Variants in ACVR1C observed in about 807,000 individuals in gnomAD.
The protein encoded by ACVR1C is activin receptor type-1C.
In ACVR1C, 23 loss-of-function variants were observed where a neutral mutation model predicts 57.9. The observed-to-expected ratio is 0.40, with a 90% confidence interval of 0.29 to 0.56. The LOEUF (loss-of-function observed/expected upper bound fraction) is 0.56, where lower values mean the gene tolerates loss of function less well. Among genes scored for constraint, ACVR1C ranks in the 20% least tolerant of loss-of-function variants. The probability of loss-of-function intolerance (pLI) is 0.50; values close to 1 mark genes in which losing one functional copy is unlikely to be tolerated. For missense variants in ACVR1C, 480 were observed against 607.9 expected (o/e 0.79, Z 2.21); for synonymous variants, 214 against 215.3 (o/e 0.99, Z 0.05).
At chr2:157,606,311 A>G (rs889497016) in intron 1 of ACVR1C, among the ~76,000 whole-genome samples, 2 of 151,870 alleles carry the variant, frequency 1.3e-5, no homozygotes, top group Non-Finnish European at 3.0e-5. Flanking sequence ...CTTTGGATAA[A>G]TACCCAGTAG....
At chr2:157,621,060 G>C (rs963911019) in intron 1 of ACVR1C, among the ~76,000 whole-genome samples, 1 of 151,934 alleles carries the variant, frequency 6.6e-6, no homozygotes, top group African/African-American at 2.4e-5. Flanking sequence ...ATCTAATTTG[G>C]GATGTTTAAG....
chr2:157,544,399 T>C (rs746419702), intron 5 of ACVR1C, 46 bp downstream of exon 5: 9 of 1,535,818 alleles, frequency 5.9e-6, no homozygotes, highest in Admixed American at 1.9e-5. Context: ...TAAGTACCTC[T>C]ATCCTCATAT....
chr2:157,580,092 C>T (rs1392118586), intron 2 of ACVR1C, among the ~76,000 whole-genome samples: 3 of 151,914 alleles, frequency 2.0e-5, no homozygotes, highest in Non-Finnish European at 4.4e-5. Context: ...CAAACACACA[C>T]GCGCGCACGC....
chr2:157,607,614 C>T (rs1403686425), intron 1 of ACVR1C, among the ~76,000 whole-genome samples: 1 of 151,642 alleles, frequency 6.6e-6, no homozygotes, highest in Non-Finnish European at 1.5e-5. Flanking sequence ...AATGTCTTTT[C>T]ATTTGTTCAT....
intron 2 of ACVR1C, among the ~76,000 whole-genome samples, chr2:157,582,573 C>A (rs1338752136): frequency 1.3e-5 from 2 of 152,264 alleles, no homozygotes; most frequent in East Asian, 3.9e-4. Flanking sequence ...ATTCCCTCAA[C>A]TGATAACAGG....
chr2:157,555,214 G>A (rs1405774813), intron 3 of ACVR1C, among the ~76,000 whole-genome samples: 6 of 146,070 alleles, frequency 4.1e-5, no homozygotes, highest in Non-Finnish European at 7.4e-5. Context: ...CGCTTCCCGG[G>A]TTCACGCCAT....
chr2:157,541,429 T>C (rs1383719371), intron 6 of ACVR1C, among the ~76,000 whole-genome samples: 1 of 152,186 alleles, frequency 6.6e-6, no homozygotes, highest in Non-Finnish European at 1.5e-5. Context: ...TATTACACAT[T>C]GGCTCCAAAA....
rs1014909775 is a variant in ACVR1C at position 157,533,979 on chromosome 2, G to C, written c.1421C>G (p.Thr474Ser). Residue 474 changes from threonine (T) to serine (S), a missense_variant, in exon 9 of 9, where the codon ACT becomes AGT. Physicochemically the swap from Thr to Ser is moderately conservative, Grantham distance 58. Coordinates refer to ENST00000243349, the MANE Select transcript of ACVR1C (RefSeq NM_145259.3). The part of the protein sequence containing the change: ...CWYANGAARL[T>S]ALRIKKTISQ... ...TATAGTCTTCTTAATACGAAGAGCA[G>C]TTAGGCGGGCCGCTCCGTTGGCATA... 1.2e-5 allele frequency: 19 copies of C among 1,599,348 alleles called. No individual in the cohort carries two copies. The highest frequency in any genetic ancestry group is 1.6e-5 in the Non-Finnish European group (19 of 1,173,710).
At chr2:157,535,634 C>T (rs1169684156) in intron 8 of ACVR1C, among the ~76,000 whole-genome samples, 1 of 152,026 alleles carries the variant, frequency 6.6e-6, no homozygotes, top group Non-Finnish European at 1.5e-5. Flanking sequence ...TTGAGACCAG[C>T]CTGGCCAACA....
At chr2:157,549,827 TACAAA>T (rs1687867070) in intron 4 of ACVR1C, among the ~76,000 whole-genome samples, 2 of 27,254 alleles carry the variant, frequency 7.3e-5, no homozygotes, top group African/African-American at 2.9e-4. Context: ...CTACTAAAAA[TACAAA>T]AAAAAAAAAA....
chr2:157,530,949 C>G lies in ACVR1C; in HGVS notation c.*2969G>C, dbSNP rs1241697004. On this transcript the variant is annotated 3_prime_UTR_variant, in exon 9 of 9. Coordinates refer to ENST00000243349, the MANE Select transcript of ACVR1C (RefSeq NM_145259.3). ...GTGATGCTGCATTTAAATCCCATCA[C>G]CACTTTATACAGTACTGAAAATTCA... is the stretch of plus-strand genomic sequence containing the variant. The G allele has an allele frequency of 1.3e-5, 2 of 152,054 alleles. No individual in the cohort carries two copies. Among genetic ancestry groups the G allele is most frequent in the Non-Finnish European group, 1.5e-5 (1 of 67,936 alleles). 9.4% of individuals were successfully genotyped at this position (152,054 alleles called of 1,614,324 possible).
chr2:157,579,123 T>C (rs1688726718), intron 2 of ACVR1C, among the ~76,000 whole-genome samples: 1 of 152,208 alleles, frequency 6.6e-6, no homozygotes. Flanking sequence ...TTTGTCCTAT[T>C]GATATTCATT....
In ACVR1C at chr2:157,628,855, T is replaced by C. The variant is rs1682966983; in HGVS notation, c.-211A>G. 3.0e-6 allele frequency: 1 copy of C among 336,300 alleles called. No individual in the cohort carries two copies. Among genetic ancestry groups the C allele is most frequent in the South Asian group, 1.4e-4 (1 of 6,916 alleles). 20.8% of individuals were successfully genotyped at this position (336,300 alleles called of 1,614,324 possible). On this transcript the variant is annotated 5_prime_UTR_variant, in exon 1 of 9. Coordinates refer to ENST00000243349, the MANE Select transcript of ACVR1C (RefSeq NM_145259.3). Reference sequence around the variant, plus strand: ...CCCTGCGGCTGGCGGTGCGCGGCGCTCCTGCCACTGGCCCCGCAGCCGGGC... The same window carrying C: ...CCCTGCGGCTGGCGGTGCGCGGCGCCCCTGCCACTGGCCCCGCAGCCGGGC...
At chr2:157,606,239 T>C (rs1042047946) in intron 1 of ACVR1C, among the ~76,000 whole-genome samples, 1 of 151,750 alleles carries the variant, frequency 6.6e-6, no homozygotes, top group Non-Finnish European at 1.5e-5. Flanking sequence ...CAATGCAGAT[T>C]TTGAGTAGTG....
chr2:157,542,092 G>A (rs1379158562), intron 6 of ACVR1C, among the ~76,000 whole-genome samples: 1 of 152,168 alleles, frequency 6.6e-6, no homozygotes, highest in African/African-American at 2.4e-5. Context: ...AATCTTCAGA[G>A]ATTCTGTTCC....
chr2:157,623,137 G>A (rs147038345), intron 1 of ACVR1C, among the ~76,000 whole-genome samples: 5 of 152,162 alleles, frequency 3.3e-5, no homozygotes, highest in African/African-American at 7.2e-5. Flanking sequence ...GGAAAAAAGC[G>A]AACATTTGTA....
chr2:157,547,180 G>A (rs1232240404), intron 4 of ACVR1C, among the ~76,000 whole-genome samples: 1 of 132,684 alleles, frequency 7.5e-6, no homozygotes, highest in Admixed American at 7.9e-5. Flanking sequence ...GTATTCCATG[G>A]TGTATATGTG....
chr2:157,543,523 A>G (rs971740389), intron 5 of ACVR1C, among the ~76,000 whole-genome samples: 1 of 152,224 alleles, frequency 6.6e-6, no homozygotes, highest in African/African-American at 2.4e-5. Context: ...TTTTAAGCAA[A>G]TTAATAAGTA....
At chr2:157,626,182 G>A (rs1682891821) in intron 1 of ACVR1C, among the ~76,000 whole-genome samples, 1 of 152,294 alleles carries the variant, frequency 6.6e-6, no homozygotes, top group African/African-American at 2.4e-5. Flanking sequence ...TGCCTGAGCT[G>A]GTCTTGAACT....
Sources: allele counts gnomAD v4.1 joint callset (sites outside exome capture counted in the v4.1 genomes callset), GRCh38; gene constraint gnomAD v4.1.1; transcripts MANE v1.5; gene names NCBI Gene and HGNC (gene_info 2026-07-23, HGNC 2026-07-21).